The following PATL2 variants were observed in gnomAD, a reference collection of about 807,000 sequenced individuals.
PATL2 encodes protein PAT1 homolog 2.
In PATL2, 73 loss-of-function variants were observed where a neutral mutation model predicts 77.0. The ratio of observed to expected loss-of-function variants is 0.95; its 90% CI spans 0.78 to 1.15. The LOEUF (loss-of-function observed/expected upper bound fraction) is 1.15. PATL2 is among the 50% of genes most tolerant of loss of function. The pLI is 0.00. For synonymous variants in PATL2, 265 were observed against 257.1 expected (o/e 1.03, Z -0.29); for missense variants, 618 against 655.4 (o/e 0.94, Z 0.62).
At chr15:44,681,216 G>A (rs1299122332) in intron 3 of PATL2, among the ~76,000 whole-genome samples, 2 of 152,068 alleles carry the variant, frequency 1.3e-5, no homozygotes, top group African/African-American at 2.4e-5. Context: ...ATGGCGTCTC[G>A]CTTTTTTGCC....
chr15:44,671,950 G>C, intron 9 of PATL2, 65 bp downstream of exon 9: 1 of 1,531,672 alleles, frequency 6.5e-7, no homozygotes, highest in East Asian at 2.5e-5. Flanking sequence ...GGATCAGAGC[G>C]GGCCCGGGAG....
intron 2 of PATL2, among the ~76,000 whole-genome samples, 47 bp downstream of exon 2, chr15:44,710,824 T>C (rs1361712731): frequency 1.3e-5 from 2 of 151,496 alleles, no homozygotes; most frequent in African/African-American, 4.9e-5. Context: ...TGGTCGTTTT[T>C]TTCTCCCCCC....
chr15:44,708,016 T>C (rs2086776164), intron 3 of PATL2, among the ~76,000 whole-genome samples: 1 of 152,252 alleles, frequency 6.6e-6, no homozygotes, highest in South Asian at 2.1e-4. Context: ...TGGGCAGCAC[T>C]GAGTTCCAAT....
At chr15:44,679,592 C>T (rs1418065865) in intron 3 of PATL2, among the ~76,000 whole-genome samples, 2 of 136,134 alleles carry the variant, frequency 1.5e-5, no homozygotes, top group African/African-American at 2.8e-5. Flanking sequence ...AGGCTTTTGC[C>T]ATGTTGGCCA....
At chr15:44,671,487 T>TC (rs2085673830) in intron 9 of PATL2, among the ~76,000 whole-genome samples, 1 of 141,020 alleles carries the variant, frequency 7.1e-6, no homozygotes, top group Non-Finnish European at 1.5e-5. Context: ...AGACTCTGTC[T>TC]CAAAAAAAAA....
chr15:44,698,158 G>C (rs2086551542), intron 3 of PATL2, among the ~76,000 whole-genome samples: 1 of 151,092 alleles, frequency 6.6e-6, no homozygotes, highest in African/African-American at 2.4e-5. Flanking sequence ...TATATGAAGT[G>C]TATGAGATAT....
chr15:44,702,764 G>A lies in PATL2; in HGVS notation c.-76+7332C>T, dbSNP rs191972432. ...TTTGTTGACCCACAGTCACTTAGGAGCATATTTTAATTTCCATATATTTGT... is the reference window on the plus strand; with the variant it reads ...TTTGTTGACCCACAGTCACTTAGGAACATATTTTAATTTCCATATATTTGT... On this transcript the variant is annotated intron_variant, in intron 3 of 17. Transcript: ENST00000682850. Among the ~76,000 whole-genome samples, 347 of 150,572 alleles carry A rather than the reference G, an allele frequency of 2.3e-3. 2 individuals carry two copies. The highest frequency in any genetic ancestry group is 8.2e-3 in the African/African-American group (326 of 39,944).
rs139017089 is a variant in PATL2, at chr15:44,694,692, A to G, written c.-76+15404T>C. Reference sequence around the variant, plus strand: ...TTACAAGCTTTTGCCTACATTTTAGACTAACCCTGCTTATTCCTATGAATC... The same window carrying G: ...TTACAAGCTTTTGCCTACATTTTAGGCTAACCCTGCTTATTCCTATGAATC... On this transcript the variant is annotated intron_variant, in intron 3 of 17. Coordinates refer to ENST00000682850, the MANE Select transcript of PATL2 (RefSeq NM_001387263.1). 2.4e-3 allele frequency among the ~76,000 whole-genome samples: 362 copies of G among 152,300 alleles called. 16 individuals are homozygous for G. The East Asian group carries it at 0.058, about 25-fold the overall frequency.
intron 3 of PATL2, among the ~76,000 whole-genome samples, chr15:44,696,699 G>A (rs980122277): frequency 6.6e-6 from 1 of 151,854 alleles, no homozygotes; most frequent in African/African-American, 2.4e-5. Context: ...CCAAGGTATG[G>A]TGTCTGACTT....
chr15:44,674,247 GA>G lies in PATL2; in HGVS notation c.223-18del. On this transcript the variant is annotated intron_variant, in intron 5 of 17. Transcript: ENST00000682850. ...CAGAGCTCTCTGGAACAGGAGGGAG[GA>G]AAAACCAGGCTCAAATGGGCCCCTG... 6.6e-7 allele frequency: 1 copy of G among 1,517,138 alleles called. No homozygotes were observed. The highest frequency in any genetic ancestry group is 2.0e-5 in the Admixed American group (1 of 49,290). 94.0% of individuals were successfully genotyped at this position (1,517,138 alleles called of 1,614,324 possible).
rs2085531053 is a variant in PATL2, at chr15:44,669,115, C to T, written c.1089G>A (p.Gln363=). ...NLEEAADGFL[Q]VLSVRKGKAL... ...CCTTCCCCTTCCTCACAGAGAGCAC[C>T]TGCAGGAAGCCATCTGCTGCCTCTC... is the stretch of plus-strand genomic sequence containing the variant. The change falls in exon 14 of 18, where the codon CAG becomes CAA. Residue 363 remains glutamine (Q), a synonymous_variant. Coordinates refer to ENST00000682850, the MANE Select transcript of PATL2 (RefSeq NM_001387263.1). The T allele has an allele frequency of 6.5e-7, 1 of 1,544,424 alleles. No individual in the cohort carries two copies. The highest frequency in any genetic ancestry group is 8.8e-7 in the Non-Finnish European group (1 of 1,142,630).
At chr15:44,680,016 C>T (rs1380177413) in intron 3 of PATL2, among the ~76,000 whole-genome samples, 1 of 152,198 alleles carries the variant, frequency 6.6e-6, no homozygotes, top group East Asian at 1.9e-4. Context: ...TGGCAGCCCT[C>T]TCCTAAATTA....
chr15:44,674,065 T>C, intron 6 of PATL2, 85 bp downstream of exon 6: 1 of 1,327,072 alleles, frequency 7.5e-7, no homozygotes, highest in East Asian at 2.5e-5. Flanking sequence ...TTGGGTGCCT[T>C]AACTCCAGAC....
intron 3 of PATL2, among the ~76,000 whole-genome samples, chr15:44,682,909 A>C (rs1232343644): frequency 6.6e-6 from 1 of 152,160 alleles, no homozygotes; most frequent in East Asian, 1.9e-4. Context: ...TCTCACTGGG[A>C]CTGGTTAGAC....
rs1395028293 is a variant in PATL2, at chr15:44,665,860, T to A, written c.*93A>T. ...CCAATATATAAAGGCATAAGAAATG[T>A]CTTCAGACTCTCTGGATCCCTGTAA... On this transcript the variant is annotated 3_prime_UTR_variant, in exon 18 of 18. Coordinates refer to ENST00000682850, the MANE Select transcript of PATL2 (RefSeq NM_001387263.1). 2.6e-6 allele frequency: 4 copies of A among 1,548,814 alleles called. No individual in the cohort carries two copies. Among genetic ancestry groups the A allele is most frequent in the Admixed American group, 4.0e-5 (2 of 50,178 alleles).
intron 3 of PATL2, among the ~76,000 whole-genome samples, chr15:44,693,357 T>C (rs1223110924): frequency 6.6e-6 from 1 of 151,930 alleles, no homozygotes; most frequent in Non-Finnish European, 1.5e-5. Context: ...ACCCATGTCT[T>C]TGGCTTTTCC....
rs1488307565 is a variant in PATL2, at chr15:44,674,224, G to A, written c.229C>T (p.Leu77=). ...GCCTTGACTCCAGGGGAGCTAAGCA[G>A]AGCTCTCTGGAACAGGAGGGAGGAA... is the stretch of plus-strand genomic sequence containing the variant. ...LGAVHNTQRA[L]LSSPGVKAPG... The change falls in exon 6 of 18, where the codon CTG becomes TTG. Residue 77 remains leucine (L), a synonymous_variant. Coordinates refer to ENST00000682850, the MANE Select transcript of PATL2 (RefSeq NM_001387263.1). 6.5e-7 allele frequency: 1 copy of A among 1,546,620 alleles called. No individual in the cohort carries two copies. Among genetic ancestry groups the A allele is most frequent in the Admixed American group, 2.0e-5 (1 of 50,920 alleles).
intron 3 of PATL2, among the ~76,000 whole-genome samples, chr15:44,703,190 G>A (rs1275281441): frequency 6.6e-6 from 1 of 152,030 alleles, no homozygotes; most frequent in Non-Finnish European, 1.5e-5. Context: ...GCAGGAGAAT[G>A]GTGTGAACCT....
At chr15:44,672,295 C>A in intron 8 of PATL2, 93 bp downstream of exon 8, 7 of 1,524,500 alleles carry the variant, frequency 4.6e-6, no homozygotes, top group Non-Finnish European at 6.2e-6. Context: ...TTTTAACCAC[C>A]ACATGGGAGA....
Sources: gnomAD v4.1 joint callset for allele counts (sites outside exome capture counted in the v4.1 genomes callset) on GRCh38, gnomAD v4.1.1 for gene constraint, MANE v1.5 for transcripts, NCBI Gene and HGNC (gene_info 2026-07-23, HGNC 2026-07-21) for gene names.